Variants in VPS13B observed in about 807,000 individuals in gnomAD.
VPS13B encodes vacuolar protein sorting 13 homolog B, also known as intermembrane lipid transfer protein VPS13B.
A neutral mutation model predicts 426.4 loss-of-function variants in VPS13B; 285 were observed. That is an observed-to-expected ratio of 0.67 (90% CI 0.61 to 0.74). The LOEUF (loss-of-function observed/expected upper bound fraction) is 0.74. Among genes scored for constraint, VPS13B ranks in the 30% least tolerant of loss-of-function variants. The pLI, the probability that VPS13B is intolerant of heterozygous loss-of-function variation, is 0.00. For missense variants in VPS13B, 4,537 were observed against 4,782.6 expected (o/e 0.95, Z 1.51); for synonymous variants, 1,676 against 1,676.4 (o/e 1.00, Z 0.01).
At chr8:99,223,205 A>G (rs867299368) in intron 17 of VPS13B, among the ~76,000 whole-genome samples, 2 of 152,344 alleles carry the variant, frequency 1.3e-5, no homozygotes, top group Middle Eastern at 6.8e-3. Context: ...GTATTAGGAA[A>G]AATATATCCC....
At position 99,304,400 on chromosome 8, in the gene VPS13B, T is replaced by C. The variant is rs193072828; in HGVS notation, c.2824+29146T>C. Among the ~76,000 whole-genome samples, 956 of 151,810 alleles carry C rather than the reference T, an allele frequency of 6.3e-3. 7 individuals are homozygous for C. The highest frequency in any genetic ancestry group is 0.022 in the African/African-American group (897 of 41,242). On this transcript the variant is annotated intron_variant, in intron 19 of 61. Coordinates refer to ENST00000357162, the MANE Select transcript of VPS13B (RefSeq NM_152564.5). ...CAGATGTGATTGCTTTAAAAGAAAA[T>C]CATGTTTTGTTTTTTTTTTCATGGA... is the stretch of plus-strand genomic sequence containing the variant.
chr8:99,073,638 G>T (rs1415271544), intron 3 of VPS13B, among the ~76,000 whole-genome samples: 1 of 146,378 alleles, frequency 6.8e-6, no homozygotes, highest in Non-Finnish European at 1.5e-5. Context: ...CTGTATATAA[G>T]ATCATGTTGT....
At chr8:99,596,193 C>CT (rs563422040) in intron 33 of VPS13B, among the ~76,000 whole-genome samples, 51 of 148,790 alleles carry the variant, frequency 3.4e-4, no homozygotes, top group South Asian at 6.4e-4. Flanking sequence ...GCTGTAAGTT[C>CT]TTTTTTTTTT....
chr8:99,176,154 T>G (rs1209960991), intron 16 of VPS13B, among the ~76,000 whole-genome samples: 3 of 152,084 alleles, frequency 2.0e-5, no homozygotes, highest in Admixed American at 2.0e-4. Flanking sequence ...TTTTTTTTTT[T>G]GAGACGAAGT....
intron 33 of VPS13B, among the ~76,000 whole-genome samples, chr8:99,615,027 G>T (rs942349268): frequency 4.1e-5 from 6 of 147,418 alleles, no homozygotes; most frequent in Non-Finnish European, 7.4e-5. Context: ...TGAGGCTGGA[G>T]AATCACTTGA....
At chr8:99,563,075 A>T (rs187351460) in intron 31 of VPS13B, among the ~76,000 whole-genome samples, 11 of 152,212 alleles carry the variant, frequency 7.2e-5, no homozygotes, top group Admixed American at 2.0e-4. Flanking sequence ...AAGCAGGAGG[A>T]TCAGTTAAGC....
At chr8:99,573,496 T>C (rs1174655664) in intron 31 of VPS13B, among the ~76,000 whole-genome samples, 1 of 152,120 alleles carries the variant, frequency 6.6e-6, no homozygotes, top group African/African-American at 2.4e-5. Context: ...AGGAAGGGAT[T>C]GAGTTTCAGC....
chr8:99,389,239 A>T (rs1223694890), intron 20 of VPS13B, among the ~76,000 whole-genome samples: 1 of 152,086 alleles, frequency 6.6e-6, no homozygotes, highest in Non-Finnish European at 1.5e-5. Flanking sequence ...ACGAAAATTT[A>T]TTGGATCTAT....
chr8:99,380,576 T>C (rs563782027), intron 19 of VPS13B, among the ~76,000 whole-genome samples: 13 of 152,088 alleles, frequency 8.5e-5, no homozygotes, highest in Non-Finnish European at 1.6e-4. Context: ...ATGGAAAAAA[T>C]AGAACTACAT....
At chr8:99,548,785 G>A (rs1824124700) in intron 30 of VPS13B, among the ~76,000 whole-genome samples, 1 of 151,616 alleles carries the variant, frequency 6.6e-6, no homozygotes, top group South Asian at 2.1e-4. Flanking sequence ...CATTACTACT[G>A]TATTTTCTTA....
At chr8:99,578,704 C>T (rs1417116603) in intron 33 of VPS13B, among the ~76,000 whole-genome samples, 1 of 152,046 alleles carries the variant, frequency 6.6e-6, no homozygotes, top group Non-Finnish European at 1.5e-5. Context: ...CATGCATTTT[C>T]GATGAGGCCT....
intron 19 of VPS13B, among the ~76,000 whole-genome samples, chr8:99,327,140 A>G (rs1029796591): frequency 2.6e-5 from 4 of 152,180 alleles, no homozygotes; most frequent in African/African-American, 9.7e-5. Context: ...AATTCTATGT[A>G]CATGTAAAAT....
At chr8:99,059,190 G>A (rs1844044080) in intron 3 of VPS13B, among the ~76,000 whole-genome samples, 1 of 152,160 alleles carries the variant, frequency 6.6e-6, no homozygotes, top group Non-Finnish European at 1.5e-5. Flanking sequence ...AGCCTGGAGT[G>A]CAGTGGCTTG....
At position 99,121,409 on chromosome 8, in the gene VPS13B, A is replaced by G. The variant is rs767434060; in HGVS notation, c.1170A>G (p.Ile390Met). The G allele has an allele frequency of 3.1e-6, 5 of 1,614,216 alleles. No homozygotes were observed. Among genetic ancestry groups the G allele is most frequent in the South Asian group, 1.1e-5 (1 of 91,090 alleles). Residue 390 changes from isoleucine to methionine, a missense_variant, in exon 8 of 62, where the codon ATA (isoleucine) becomes ATG (methionine). Ile to Met is a conservative substitution (Grantham distance 10). Transcript: ENST00000357162. ...AQTLKDPIVS[I>M]GFYCTKATVT... ...CTTTGAAGGATCCTATTGTTTCTAT[A>G]GGATTTTATTGCACAAAGGCAACGG...
chr8:99,051,290 G>A (rs183335126), intron 3 of VPS13B, among the ~76,000 whole-genome samples: 5 of 152,038 alleles, frequency 3.3e-5, no homozygotes, highest in African/African-American at 4.8e-5. Flanking sequence ...ATAGGGAATC[G>A]TTTCCCCATT....
At chr8:99,389,867 C>G (rs12544901) in intron 20 of VPS13B, 4 of 152,068 alleles carry the variant, frequency 2.6e-5, no homozygotes, top group Non-Finnish European at 4.4e-5. Context: ...TATGGAGTCA[C>G]TAAATATTAG....
rs1462693923 is a variant in VPS13B at position 99,877,063 on chromosome 8, T to G, written c.*1397T>G. The stretch of plus-strand genomic sequence containing the variant: ...TTTTTCTAGAGATGAGGTCTCACTA[T>G]GTTGCCCAGCTGGTCTCATACTCCT... On this transcript the variant is annotated 3_prime_UTR_variant, in exon 62 of 62. Coordinates refer to ENST00000357162, the MANE Select transcript of VPS13B (RefSeq NM_152564.5). 6.6e-6 allele frequency: 1 copy of G among 152,178 alleles called. No homozygotes were observed. The highest frequency in any genetic ancestry group is 1.5e-5 in the Non-Finnish European group (1 of 68,068). The allele number at this position is 152,178 out of a possible 1,614,324, so 9.4% of individuals were successfully genotyped here. A position where few individuals can be genotyped will look rare whatever the true frequency, so the allele number is the denominator to read the frequency against.
At chr8:99,214,482 A>C (rs905857299) in intron 17 of VPS13B, among the ~76,000 whole-genome samples, 20 of 152,162 alleles carry the variant, frequency 1.3e-4, no homozygotes, top group Admixed American at 3.9e-4. Context: ...TTACTTAGTC[A>C]AATATTGACA....
At position 99,776,811 on chromosome 8, in the gene VPS13B, T is replaced by C. The variant is rs1811763314; in HGVS notation, c.7284T>C (p.Asp2428=). The C allele has an allele frequency of 1.2e-6, 2 of 1,613,946 alleles. No homozygotes were observed. The highest frequency in any genetic ancestry group is 2.7e-5 in the African/African-American group (2 of 74,918). Reference sequence around the variant, plus strand: ...AGTCTGGTTCTCAAAGCACTTGTGATCCACTTGTGACTCCAACAGCCCTGG... The same window carrying C: ...AGTCTGGTTCTCAAAGCACTTGTGACCCACTTGTGACTCCAACAGCCCTGG... ...ASESGSQSTC[D]PLVTPTALAA... is the part of the protein sequence containing the mutation. The change falls in exon 41 of 62, where the codon GAT becomes GAC. Residue 2428 remains aspartate, a synonymous_variant. Transcript: ENST00000357162.
Sources: allele counts gnomAD v4.1 joint callset (sites outside exome capture counted in the v4.1 genomes callset), GRCh38; gene constraint gnomAD v4.1.1; transcripts MANE v1.5; gene names NCBI Gene and HGNC (gene_info 2026-07-23, HGNC 2026-07-21).